Variants in AKAP19 observed in about 807,000 individuals in gnomAD.
AKAP19 encodes A-kinase anchoring protein 19.
chr2:189,897,443 G>C, the AKAP19 span, among the ~76,000 whole-genome samples: 2 of 151,938 alleles, frequency 1.3e-5, no homozygotes, highest in Non-Finnish European at 2.9e-5. Flanking sequence ...TAACTACATA[G>C]TTAAAATATT....
chr2:190,180,904 G>A, the AKAP19 span: 1 of 985,216 alleles, frequency 1.0e-6, no homozygotes, highest in South Asian at 4.7e-5. The surrounding 1 kb of genome is among the most constrained non-coding windows in gnomAD (Gnocchi z 6.8). Flanking sequence ...GCGAGAAGGC[G>A]GCGCCGCTGC....
the AKAP19 span, among the ~76,000 whole-genome samples, chr2:190,123,548 G>C: frequency 6.6e-6 from 1 of 152,094 alleles, no homozygotes; most frequent in African/African-American, 2.4e-5. Context: ...TTTAATTTAA[G>C]TGCATTTTCA....
At chr2:190,054,279 C>T in the AKAP19 span, among the ~76,000 whole-genome samples, 1 of 152,064 alleles carries the variant, frequency 6.6e-6, no homozygotes, top group Non-Finnish European at 1.5e-5. Context: ...GGAAAACTGG[C>T]TAGCCATATG....
chr2:190,048,134 C>CTTGATTT, the AKAP19 span, among the ~76,000 whole-genome samples: 21,036 of 152,006 alleles, frequency 0.14, 1,569 homozygotes, highest in Middle Eastern at 0.26. Flanking sequence ...CAAGGAGGTT[C>CTTGATTT]TTGATTTTAC....
the AKAP19 span, among the ~76,000 whole-genome samples, chr2:189,981,776 A>G: frequency 6.6e-6 from 1 of 152,186 alleles, no homozygotes; most frequent in Non-Finnish European, 1.5e-5. Context: ...GTTTGGCAGG[A>G]TATGAAATTT....
the AKAP19 span, among the ~76,000 whole-genome samples, chr2:190,024,948 A>G: frequency 6.6e-6 from 1 of 152,218 alleles, no homozygotes; most frequent in African/African-American, 2.4e-5. Flanking sequence ...TGATTTTCTT[A>G]GAATGAAACC....
chr2:190,111,128 C>T, the AKAP19 span, among the ~76,000 whole-genome samples: 1 of 152,166 alleles, frequency 6.6e-6, no homozygotes, highest in African/African-American at 2.4e-5. Context: ...CAGGGAAAGC[C>T]CTGACGCATA....
chr2:190,166,539 C>A, the AKAP19 span, among the ~76,000 whole-genome samples: 2 of 151,782 alleles, frequency 1.3e-5, no homozygotes, highest in Admixed American at 6.6e-5. Flanking sequence ...AATACATGTG[C>A]AAACCAAATC....
the AKAP19 span, among the ~76,000 whole-genome samples, chr2:190,087,013 G>T: frequency 1.3e-5 from 2 of 152,176 alleles, no homozygotes; most frequent in Non-Finnish European, 2.9e-5. Context: ...ACATTGTGAG[G>T]TTGGAAACAA....
the AKAP19 span, among the ~76,000 whole-genome samples, chr2:189,919,702 C>T: frequency 6.6e-6 from 1 of 152,134 alleles, no homozygotes; most frequent in Non-Finnish European, 1.5e-5. Flanking sequence ...CATCCATGCC[C>T]CTGTATAGGA....
At chr2:189,933,968 G>A in the AKAP19 span, among the ~76,000 whole-genome samples, 1 of 152,052 alleles carries the variant, frequency 6.6e-6, no homozygotes, top group African/African-American at 2.4e-5. Flanking sequence ...ATTAGAAATA[G>A]CCTTAAGAAG....
the AKAP19 span, among the ~76,000 whole-genome samples, chr2:190,172,888 C>T: frequency 5.9e-5 from 9 of 152,104 alleles, no homozygotes; most frequent in South Asian, 2.1e-4. Flanking sequence ...TGAGGCGTGC[C>T]GATCACCTGA....
chr2:190,197,628 T>TAG, the AKAP19 span, among the ~76,000 whole-genome samples: 12 of 152,228 alleles, frequency 7.9e-5, no homozygotes, highest in African/African-American at 2.7e-4. The surrounding 1 kb of genome is among the most constrained non-coding windows in gnomAD (Gnocchi z 4.0). Context: ...TACCCCCAGG[T>TAG]AGAATCCCAC....
the AKAP19 span, among the ~76,000 whole-genome samples, chr2:189,983,480 C>A: frequency 6.6e-6 from 1 of 152,220 alleles, no homozygotes; most frequent in Non-Finnish European, 1.5e-5. Context: ...ACTTTCTCCA[C>A]GTGCATGCAT....
chr2:189,917,015 A>T, the AKAP19 span, among the ~76,000 whole-genome samples: 47 of 152,196 alleles, frequency 3.1e-4, no homozygotes, highest in Non-Finnish European at 5.0e-4. Flanking sequence ...GGGGGTGGGG[A>T]TACTAAATGT....
chr2:190,096,896 C>T, the AKAP19 span, among the ~76,000 whole-genome samples: 2 of 152,104 alleles, frequency 1.3e-5, no homozygotes, highest in Non-Finnish European at 2.9e-5. Context: ...CAGCCCAACT[C>T]TCCCTCGGAT....
the AKAP19 span, among the ~76,000 whole-genome samples, chr2:189,895,182 AAAC>A: frequency 6.6e-6 from 1 of 152,160 alleles, no homozygotes. Flanking sequence ...AAGTGGAAGA[AAAC>A]AGTCTGATTA....
At chr2:190,198,249 A>T in the AKAP19 span, among the ~76,000 whole-genome samples, 2 of 152,166 alleles carry the variant, frequency 1.3e-5, no homozygotes, top group Non-Finnish European at 2.9e-5. Flanking sequence ...ATAGAATAAT[A>T]TATGGTGGTA....
At chr2:190,006,731 C>G in the AKAP19 span, among the ~76,000 whole-genome samples, 9 of 143,382 alleles carry the variant, frequency 6.3e-5, no homozygotes, top group East Asian at 2.0e-3. Context: ...AGAATTTAAA[C>G]AAGTAGGCCA....
Sources: allele counts gnomAD v4.1 joint callset (sites outside exome capture counted in the v4.1 genomes callset), GRCh38; gene constraint gnomAD v4.1.1; non-coding constraint Gnocchi (gnomAD v3.1); transcripts MANE v1.5; gene names NCBI Gene and HGNC (gene_info 2026-07-23, HGNC 2026-07-21).